Variants in SLC5A10 observed in about 807,000 individuals in gnomAD.
SLC5A10 encodes solute carrier family 5 member 10.
A neutral mutation model predicts 68.9 loss-of-function variants in SLC5A10; 55 were observed. The ratio of observed to expected loss-of-function variants is 0.80; its 90% confidence interval spans 0.64 to 1.00. The LOEUF (loss-of-function observed/expected upper bound fraction) is 1.00, where lower values mean the gene tolerates loss of function less well. Ranked by LOEUF, SLC5A10 falls within the 50% of genes least tolerant of loss-of-function variation. SLC5A10 has a pLI of 0.00. For missense variants in SLC5A10, 732 were observed against 819.3 expected, an observed-to-expected ratio of 0.89 and a Z score of 1.30; for synonymous variants, 344 against 344.8, an observed-to-expected ratio of 1.00 and a Z score of 0.02.
At chr17:18,951,058 T>C (rs769593398), upstream of SLC5A10, among the ~76,000 whole-genome samples, 1 of 152,288 alleles carries the variant, frequency 6.6e-6, no homozygotes, top group African/African-American at 2.4e-5. Context: ...GGTTATTGAG[T>C]AACAGGCTGG....
Position 19,022,184 on chromosome 17 carries a change from GC to G in SLC5A10, c.*1756del. The G allele has an allele frequency of 8.2e-7, 1 of 1,218,238 alleles. No individual in the cohort carries two copies. The highest frequency in any genetic ancestry group is 1.1e-6 in the Non-Finnish European group (1 of 908,032). The allele number at this position is 1,218,238 out of a possible 1,614,324, so 75.5% of individuals were successfully genotyped here. A position where few individuals can be genotyped will look rare whatever the true frequency, so the allele number is the denominator to read the frequency against. On this transcript the variant is annotated 3_prime_UTR_variant, in exon 15 of 15. Coordinates refer to ENST00000395645, the MANE Select transcript of SLC5A10 (RefSeq NM_001042450.4). ...GGTGGTTAGTAGGGTGCCTTCAGAA[GC>G]CCTGCAACCCACCCTCCCTCAGAGG...
chr17:19,006,474 A>C (rs930349206), intron 9 of SLC5A10, among the ~76,000 whole-genome samples: 3 of 151,030 alleles, frequency 2.0e-5, no homozygotes, highest in African/African-American at 7.3e-5. Flanking sequence ...CCTGGCCTCA[A>C]GTGATTCTCC....
chr17:18,963,705 T>C (rs2042656150), intron 5 of SLC5A10, among the ~76,000 whole-genome samples: 2 of 152,246 alleles, frequency 1.3e-5, no homozygotes, highest in Admixed American at 1.3e-4. Flanking sequence ...GGGTGCCTGC[T>C]GCCATCCCTC....
rs1417412237 is a variant in SLC5A10 at position 19,000,605 on chromosome 17, T to C, written c.983-12805T>C. On this transcript the variant is annotated intron_variant, in intron 9 of 14. Coordinates refer to ENST00000395645, the MANE Select transcript of SLC5A10 (RefSeq NM_001042450.4). The surrounding 1 kb of genome is among the most constrained non-coding windows in gnomAD (Gnocchi z 5.2). ...TTGTGCTGACGACAGGTAAGGTGAG[T>C]GAGGAGGCGGAAGGCTGGGCTGTCC... Among the ~76,000 whole-genome samples, 7 of 151,730 alleles carry C rather than the reference T, an allele frequency of 4.6e-5. No homozygotes were observed. The highest frequency in any genetic ancestry group is 1.7e-4 in the African/African-American group (7 of 41,234).
chr17:18,974,973 C>A (rs1406522931), intron 8 of SLC5A10, among the ~76,000 whole-genome samples: 1 of 152,188 alleles, frequency 6.6e-6, no homozygotes, highest in African/African-American at 2.4e-5. Context: ...TTCAGGGGGA[C>A]TGGCAGGCCT....
intron 5 of SLC5A10, among the ~76,000 whole-genome samples, chr17:18,967,302 C>T (rs77505780): frequency 2.6e-5 from 4 of 152,032 alleles, no homozygotes; most frequent in Non-Finnish European, 5.9e-5. Context: ...CCTGCACCTG[C>T]GGGACTTCTA....
At chr17:18,962,068 C>T (rs920789503) in intron 5 of SLC5A10, among the ~76,000 whole-genome samples, 2 of 152,174 alleles carry the variant, frequency 1.3e-5, no homozygotes, top group Non-Finnish European at 2.9e-5. Flanking sequence ...CTCTTCCTTC[C>T]TCTCCCACAT....
At position 19,019,346 on chromosome 17, in the gene SLC5A10, C is replaced by T. The variant is rs571512978; in HGVS notation, c.1242-77C>T. On this transcript the variant is annotated intron_variant, in intron 11 of 14. Transcript: ENST00000395645. The stretch of plus-strand genomic sequence containing the variant: ...GCAGGGGAAAGATTAGAGAGCAAGT[C>T]TTAGTGACCAGGGGAGGTGGGAGAG... 1.7e-5 allele frequency: 26 copies of T among 1,521,670 alleles called. No homozygotes were observed. In the South Asian group the frequency reaches 3.3e-4, roughly 19 times the overall value. 94.3% of individuals were successfully genotyped at this position (1,521,670 alleles called of 1,614,324 possible).
At position 18,958,692 on chromosome 17, in the gene SLC5A10, G is replaced by C; in HGVS notation, c.122G>C (p.Arg41Pro). ...NVAVGIWSSC[R>P]ASRNTVNGYF... ...TTTCTCCTCTTGCAGTCCTCTTGTC[G>C]GGCCAGTAGGAACACGGTGAATGGC... The change falls in exon 2 of 15, where the codon CGG becomes CCG. Residue 41 changes from arginine (R) to proline (P), a missense_variant. Transcript: ENST00000395645. 1 of 1,614,114 alleles carries C rather than the reference G, an allele frequency of 6.2e-7. No individual in the cohort carries two copies. Among genetic ancestry groups the C allele is most frequent in the Non-Finnish European group, 8.5e-7 (1 of 1,180,014 alleles).
intron 9 of SLC5A10, chr17:18,979,414 G>T: frequency 9.4e-7 from 1 of 1,060,528 alleles, no homozygotes. Context: ...GCGGGCAGAT[G>T]TGCTCCAGCC....
chr17:18,961,792 C>A (rs1225362781), intron 5 of SLC5A10, among the ~76,000 whole-genome samples: 1 of 152,128 alleles, frequency 6.6e-6, no homozygotes, highest in African/African-American at 2.4e-5. Context: ...CCCGCCCTCT[C>A]CTCTCCTGGG....
chr17:18,995,567 A>C (rs1332065305), intron 9 of SLC5A10, among the ~76,000 whole-genome samples: 2 of 152,216 alleles, frequency 1.3e-5, no homozygotes, highest in Non-Finnish European at 2.9e-5. Flanking sequence ...TAAAAAAATA[A>C]ATAAATAAGA....
Position 18,971,252 on chromosome 17 carries a change from C to T in SLC5A10, c.846+34C>T, listed in dbSNP as rs754093325. The stretch of plus-strand genomic sequence containing the variant: ...CAACGTCTCCCGCCCATCCCACCTT[C>T]CTGCCGTCCCAGTGGGCTCTGGTAG... On this transcript the variant is annotated intron_variant, in intron 8 of 14. Transcript: ENST00000395645. This position sits in a 1 kb window ranked among gnomAD's most constrained non-coding sequence, Gnocchi z 5.5. The T allele has an allele frequency of 1.2e-5, 20 of 1,612,378 alleles. No homozygotes were observed. Among genetic ancestry groups the T allele is most frequent in the Non-Finnish European group, 1.6e-5 (19 of 1,178,968 alleles).
rs117457682 is a variant in SLC5A10, at chr17:19,009,347, A to G, written c.983-4063A>G. On this transcript the variant is annotated intron_variant, in intron 9 of 14. Coordinates refer to ENST00000395645, the MANE Select transcript of SLC5A10 (RefSeq NM_001042450.4). ...GCTGAGACTACAGGCACGAACCACC[A>G]CGCTAATTTTAATGTTTTTGGTAGA... is the stretch of plus-strand genomic sequence containing the variant. 0.011 allele frequency among the ~76,000 whole-genome samples: 1,653 copies of G among 150,122 alleles called. 122 individuals carry two copies. The East Asian group carries it at 0.19, about 18-fold the overall frequency.
At chr17:18,995,060 G>A (rs1161022783) in intron 9 of SLC5A10, among the ~76,000 whole-genome samples, 3 of 151,882 alleles carry the variant, frequency 2.0e-5, no homozygotes, top group African/African-American at 7.3e-5. Context: ...ATATTTAAAG[G>A]AGAAAACAAA....
At chr17:18,979,359 G>A (rs1230508237) in intron 9 of SLC5A10, 15 of 713,432 alleles carry the variant, frequency 2.1e-5, no homozygotes, top group East Asian at 1.7e-4. Flanking sequence ...GAACAACAGC[G>A]TCCTCAGACA....
In SLC5A10 at chr17:19,009,685, C is replaced by T. The variant is rs556848187; in HGVS notation, c.983-3725C>T. ...TCCAGTGACCTCCTTGGGAGGGAAT[C>T]ATTCACTCAGTCAACAGACACTGGC... On this transcript the variant is annotated intron_variant, in intron 9 of 14. Coordinates refer to ENST00000395645, the MANE Select transcript of SLC5A10 (RefSeq NM_001042450.4). Among the ~76,000 whole-genome samples, 84 of 152,200 alleles carry T rather than the reference C, an allele frequency of 5.5e-4. 1 individual carries two copies. In the South Asian group the frequency reaches 0.017, roughly 31 times the overall value.
Position 19,017,456 on chromosome 17 carries a change from C to A in SLC5A10, c.1242-1967C>A. On this transcript the variant is annotated intron_variant, in intron 11 of 14. Coordinates refer to ENST00000395645, the MANE Select transcript of SLC5A10 (RefSeq NM_001042450.4). The surrounding 1 kb of genome is among the most constrained non-coding windows in gnomAD (Gnocchi z 5.6). ...AGAGGCGAGGCTTACAGAGAGAAGA[C>A]CAACAGCCCAGAGGCCTGGAGAGGA... The A allele has an allele frequency of 1.4e-6, 2 of 1,471,336 alleles. No homozygotes were observed. The highest frequency in any genetic ancestry group is 1.9e-6 in the Non-Finnish European group (2 of 1,074,550). The allele number at this position is 1,471,336 out of a possible 1,614,324, so 91.1% of individuals were successfully genotyped here.
Position 18,968,501 on chromosome 17 carries a change from G to GTGTGGAGAC in SLC5A10, c.454-550_454-542dup, listed in dbSNP as rs753492354. ...GGAGGGCAGGGGCTGTGTCCAGTCA[G>GTGTGGAGAC]TGTGGAGACCAGCTTCAGCCTGAGA... On this transcript the variant is annotated intron_variant, in intron 5 of 14. Transcript: ENST00000395645. This position sits in a 1 kb window ranked among gnomAD's most constrained non-coding sequence, Gnocchi z 4.1. Among the ~76,000 whole-genome samples, 8 of 152,224 alleles carry GTGTGGAGAC rather than the reference G, an allele frequency of 5.3e-5. No individual in the cohort carries two copies. The highest frequency in any genetic ancestry group is 1.0e-4 in the Non-Finnish European group (7 of 68,040).
Sources: allele counts gnomAD v4.1 joint callset (sites outside exome capture counted in the v4.1 genomes callset), GRCh38; gene constraint gnomAD v4.1.1; non-coding constraint Gnocchi (gnomAD v3.1); transcripts MANE v1.5; gene names NCBI Gene and HGNC (gene_info 2026-07-23, HGNC 2026-07-21).